The following TRIM33 variants were observed in gnomAD, a reference collection of about 807,000 sequenced individuals.
The protein encoded by TRIM33 is E3 ubiquitin-protein ligase TRIM33.
In TRIM33, 20 loss-of-function variants were observed where a neutral mutation model predicts 125.4. The ratio of observed to expected loss-of-function variants is 0.16; its 90% CI spans 0.11 to 0.23. The LOEUF (loss-of-function observed/expected upper bound fraction) is 0.23, where lower values mean the gene tolerates loss of function less well. Among genes scored for constraint, TRIM33 ranks in the 10% least tolerant of loss-of-function variants. TRIM33 has a pLI of 1.00. For missense variants in TRIM33, 920 were observed against 1,411.4 expected (o/e 0.65, Z 5.58); for synonymous variants, 564 against 513.9 (o/e 1.10, Z -1.32).
chr1:114,486,955 C>T (rs1348101921), intron 1 of TRIM33, among the ~76,000 whole-genome samples: 3 of 151,712 alleles, frequency 2.0e-5, no homozygotes, highest in East Asian at 1.9e-4. Context: ...GGTATGGTGG[C>T]GTACGCTTGT....
Position 114,401,299 on chromosome 1 carries a change from C to T in TRIM33, c.2967+90G>A, listed in dbSNP as rs570377655. The T allele has an allele frequency of 1.7e-4, 166 of 962,490 alleles. No homozygotes were observed. In the Admixed American group the frequency reaches 3.9e-3, roughly 22 times the overall value. The allele number at this position is 962,490 out of a possible 1,614,324, so 59.6% of individuals were successfully genotyped here. ...TCGGCCTCCCAAAGTGCTGGGATTA[C>T]AGGCGTGAGCCACCGCGCCCGGCCG... On this transcript the variant is annotated intron_variant, in intron 17 of 19. Coordinates refer to ENST00000358465, the MANE Select transcript of TRIM33 (RefSeq NM_015906.4).
chr1:114,428,019 G>T, intron 6 of TRIM33, 125 bp from the exon 7 acceptor site: 1 of 950,674 alleles, frequency 1.1e-6, no homozygotes, highest in Non-Finnish European at 1.5e-6. Flanking sequence ...TAAGCTCCAT[G>T]ATTATTTAGC....
At chr1:114,499,973 C>G (rs1186560416) in intron 1 of TRIM33, among the ~76,000 whole-genome samples, 1 of 152,166 alleles carries the variant, frequency 6.6e-6, no homozygotes, top group African/African-American at 2.4e-5. Context: ...TCAAGACCAG[C>G]CTGGCCAACA....
intron 1 of TRIM33, among the ~76,000 whole-genome samples, chr1:114,473,024 A>T (rs1470734515): frequency 6.6e-6 from 1 of 151,922 alleles, no homozygotes; most frequent in African/African-American, 2.4e-5. Context: ...TTGGAGGCCG[A>T]GGCGGGCAAA....
intron 18 of TRIM33, among the ~76,000 whole-genome samples, chr1:114,399,045 A>C (rs540395629): frequency 1.3e-5 from 2 of 152,154 alleles, no homozygotes; most frequent in Non-Finnish European, 2.9e-5. Flanking sequence ...AAGATGGGTC[A>C]CCAGAGATTA....
At chr1:114,426,295 T>TC (rs921210907) in intron 8 of TRIM33, among the ~76,000 whole-genome samples, 2 of 152,150 alleles carry the variant, frequency 1.3e-5, no homozygotes, top group African/African-American at 4.8e-5. Flanking sequence ...TGACAGGCTT[T>TC]CCCTGTAATG....
intron 1 of TRIM33, among the ~76,000 whole-genome samples, chr1:114,506,383 CAAAAAAAA>C (rs370539194): frequency 5.6e-5 from 5 of 89,892 alleles, no homozygotes; most frequent in Non-Finnish European, 9.7e-5. Context: ...AAAACTGTCT[CAAAAAAAA>C]AAAAAAAAAA....
At chr1:114,415,342 AAAAATC>A (rs1652868996) in intron 11 of TRIM33, among the ~76,000 whole-genome samples, 5 of 152,258 alleles carry the variant, frequency 3.3e-5, no homozygotes, top group Admixed American at 6.5e-5. Flanking sequence ...CATAAAAAAG[AAAAATC>A]ACAAAATCTG....
At position 114,425,626 on chromosome 1, in the gene TRIM33, A is replaced by G. The variant is rs1427795057; in HGVS notation, c.1518T>C (p.Pro506=). The G allele has an allele frequency of 6.2e-7, 1 of 1,614,184 alleles. No homozygotes were observed. The highest frequency in any genetic ancestry group is 1.1e-5 in the South Asian group (1 of 91,082). Residue 506 remains proline (P), a synonymous_variant, in exon 9 of 20, where the codon CCT becomes CCC. Transcript: ENST00000358465. The part of the protein sequence containing the change: ...PPGTNHISKT[P]GQINLAQLRL... ...GAAGCTGTGCTAAGTTAATCTGTCC[A>G]GGGGTTTTACTAATGTGGTTTGTCC...
chr1:114,468,160 C>CT (rs1312462050), intron 1 of TRIM33, among the ~76,000 whole-genome samples: 7 of 152,246 alleles, frequency 4.6e-5, no homozygotes, highest in Admixed American at 3.3e-4. Context: ...GCACCTATCT[C>CT]TTATTCATCT....
At chr1:114,449,238 C>T (rs1328199398) in intron 4 of TRIM33, among the ~76,000 whole-genome samples, 1 of 152,058 alleles carries the variant, frequency 6.6e-6, no homozygotes, top group Non-Finnish European at 1.5e-5. Flanking sequence ...AAAAAAAAGT[C>T]ACCAGTCACG....
intron 1 of TRIM33, among the ~76,000 whole-genome samples, chr1:114,475,345 T>C (rs1443827887): frequency 6.6e-6 from 1 of 152,174 alleles, no homozygotes; most frequent in East Asian, 1.9e-4. Context: ...AATAAAACCA[T>C]GCAAAGCACA....
chr1:114,481,767 T>C (rs961407152), intron 1 of TRIM33, among the ~76,000 whole-genome samples: 5 of 151,750 alleles, frequency 3.3e-5, no homozygotes, highest in African/African-American at 1.2e-4. Context: ...TAAACATTTA[T>C]TTTTTCTTTT....
intron 16 of TRIM33, 58 bp downstream of exon 16, chr1:114,402,702 T>C (rs1324272683): frequency 1.9e-5 from 29 of 1,560,120 alleles, no homozygotes; most frequent in Non-Finnish European, 2.4e-5. Context: ...AAAAAAGGTG[T>C]ATATATAGGC....
In TRIM33 at chr1:114,509,269, T is replaced by C. The variant is rs191115547; in HGVS notation, c.526+1282A>G. Among the ~76,000 whole-genome samples, 35 of 152,346 alleles carry C rather than the reference T, an allele frequency of 2.3e-4. 1 individual carries two copies. The highest frequency in any genetic ancestry group is 2.0e-3 in the Admixed American group (30 of 15,298). On this transcript the variant is annotated intron_variant, in intron 1 of 19. Coordinates refer to ENST00000358465, the MANE Select transcript of TRIM33 (RefSeq NM_015906.4). ...CCCTTTAGTGCAGCTCCACAATCGC[T>C]TACCTACAGTCCCGAAATTCAAAAG...
intron 1 of TRIM33, among the ~76,000 whole-genome samples, chr1:114,496,277 T>C (rs6660859): frequency 0.043 from 6,604 of 152,356 alleles, 156 homozygotes; most frequent in South Asian, 0.063. Context: ...AGTTGTGTAA[T>C]TTGAATTTTA....
intron 1 of TRIM33, among the ~76,000 whole-genome samples, chr1:114,476,045 A>G (rs972783186): frequency 2.6e-5 from 4 of 152,088 alleles, no homozygotes; most frequent in African/African-American, 9.7e-5. Context: ...AGATCATGAA[A>G]ACATAGAAGT....
At position 114,463,678 on chromosome 1, in the gene TRIM33, C is replaced by T. The variant is rs1235235279; in HGVS notation, c.646-122G>A. 1.1e-5 allele frequency: 7 copies of T among 620,240 alleles called. No homozygotes were observed. In the African/African-American group the frequency reaches 1.4e-4, roughly 12 times the overall value. 38.4% of individuals were successfully genotyped at this position (620,240 alleles called of 1,614,324 possible). On this transcript the variant is annotated intron_variant, in intron 2 of 19. Coordinates refer to ENST00000358465, the MANE Select transcript of TRIM33 (RefSeq NM_015906.4). ...CACAGAATAAAATTATTTTGTTATC[C>T]ATTTATCTTCAACAAAATCCTTTTC...
At chr1:114,444,189 G>A (rs1295137114) in intron 4 of TRIM33, among the ~76,000 whole-genome samples, 2 of 152,158 alleles carry the variant, frequency 1.3e-5, no homozygotes, top group African/African-American at 2.4e-5. Context: ...GCAGGGCACT[G>A]GAATGGAGGG....
Sources: gnomAD v4.1 joint callset for allele counts (sites outside exome capture counted in the v4.1 genomes callset) on GRCh38, gnomAD v4.1.1 for gene constraint, MANE v1.5 for transcripts, NCBI Gene and HGNC (gene_info 2026-07-23, HGNC 2026-07-21) for gene names.